Variants in VEPH1 observed in about 807,000 individuals in gnomAD.
VEPH1 encodes the protein ventricular zone expressed PH domain containing 1, also known as ventricular zone-expressed PH domain-containing protein homolog 1.
VEPH1 carries 80 observed loss-of-function variants against 85.2 expected under a neutral mutation model. That is an observed-to-expected ratio of 0.94 (90% CI 0.78 to 1.13). VEPH1 has a LOEUF of 1.13. Among genes scored for constraint, VEPH1 ranks in the 50% most tolerant of loss-of-function variants. VEPH1 has a pLI of 0.00. For missense variants in VEPH1, 955 were observed against 980.5 expected, an observed-to-expected ratio of 0.97 and a Z score of 0.35; for synonymous variants, 297 against 348.0, an observed-to-expected ratio of 0.85 and a Z score of 1.63.
intron 5 of VEPH1, among the ~76,000 whole-genome samples, chr3:157,419,893 T>C (rs1235636287): frequency 2.0e-5 from 3 of 152,104 alleles, no homozygotes; most frequent in African/African-American, 4.8e-5. Flanking sequence ...TGCAGCACCA[T>C]TTGCAATACC....
intron 9 of VEPH1, among the ~76,000 whole-genome samples, chr3:157,359,134 C>T (rs1725766760): frequency 6.6e-6 from 1 of 152,222 alleles, no homozygotes; most frequent in Non-Finnish European, 1.5e-5. Flanking sequence ...TATTTTCACC[C>T]AATCAGGAAA....
intron 6 of VEPH1, among the ~76,000 whole-genome samples, chr3:157,402,536 A>C (rs1560034807): frequency 6.6e-6 from 1 of 152,170 alleles, no homozygotes; most frequent in Non-Finnish European, 1.5e-5. Context: ...AACCACACAT[A>C]GTAAATAGAG....
At chr3:157,340,016 C>T (rs1463835881) in intron 9 of VEPH1, among the ~76,000 whole-genome samples, 1 of 152,152 alleles carries the variant, frequency 6.6e-6, no homozygotes, top group Non-Finnish European at 1.5e-5. Flanking sequence ...GATTCTTTTT[C>T]CTTCGAAAGT....
intron 6 of VEPH1, among the ~76,000 whole-genome samples, chr3:157,411,032 A>G (rs913715799): frequency 6.6e-6 from 1 of 152,166 alleles, no homozygotes; most frequent in African/African-American, 2.4e-5. Context: ...TATTTAGCTA[A>G]TGGATTGTAA....
At chr3:157,294,405 T>C (rs914326239) in intron 11 of VEPH1, among the ~76,000 whole-genome samples, 1 of 152,234 alleles carries the variant, frequency 6.6e-6, no homozygotes, top group Admixed American at 6.5e-5. Flanking sequence ...TTGCAAATAA[T>C]GGTATGCTGT....
At chr3:157,453,540 A>G (rs1735135948) in intron 4 of VEPH1, among the ~76,000 whole-genome samples, 1 of 152,200 alleles carries the variant, frequency 6.6e-6, no homozygotes, top group African/African-American at 2.4e-5. Context: ...TATCATCATC[A>G]TCATTGCATG....
At chr3:157,296,281 A>C (rs1309685054) in intron 11 of VEPH1, among the ~76,000 whole-genome samples, 2 of 152,266 alleles carry the variant, frequency 1.3e-5, no homozygotes, top group Non-Finnish European at 2.9e-5. Flanking sequence ...TGGATATCAC[A>C]TTTCTGTACT....
Position 157,386,250 on chromosome 3 carries a change from C to CAAAAAAAAAAAAAAAAAAAAAAAAAAA in VEPH1, c.907-4875_907-4874insTTTTTTTTTTTTTTTTTTTTTTTTTTT, listed in dbSNP as rs71302265. 5.2e-5 allele frequency among the ~76,000 whole-genome samples: 2 copies of CAAAAAAAAAAAAAAAAAAAAAAAAAAA among 38,484 alleles called. 1 individual carries two copies. Among genetic ancestry groups the CAAAAAAAAAAAAAAAAAAAAAAAAAAA allele is most frequent in the African/African-American group, 2.5e-4 (2 of 7,844 alleles). 25.2% of individuals were successfully genotyped at this position (38,484 alleles called of 152,430 possible). On this transcript the variant is annotated intron_variant, in intron 6 of 13. Coordinates refer to ENST00000362010, the MANE Select transcript of VEPH1 (RefSeq NM_001167912.2). ...GTTACTTCAAGTAAAAATGGTTCCA[C>CAAAAAAAAAAAAAAAAAAAAAAAAAAA]AAAAAAAAAAAAAAAAAAAAAAAAG...
At chr3:157,327,791 T>C (rs1298939124) in intron 9 of VEPH1, among the ~76,000 whole-genome samples, 1 of 152,200 alleles carries the variant, frequency 6.6e-6, no homozygotes, top group African/African-American at 2.4e-5. Flanking sequence ...TATGTTACTA[T>C]TAAAGAACAG....
intron 2 of VEPH1, among the ~76,000 whole-genome samples, chr3:157,482,542 G>A (rs1050015149): frequency 6.6e-6 from 1 of 152,100 alleles, no homozygotes; most frequent in African/African-American, 2.4e-5. Flanking sequence ...TAGTTTGATA[G>A]GAATTGTGTT....
rs559968150 is a variant in VEPH1, at chr3:157,424,167, C to G, written c.696+4155G>C. Among the ~76,000 whole-genome samples the G allele has an allele frequency of 7.2e-5, 11 of 152,256 alleles. 1 individual carries two copies. In the South Asian group the frequency reaches 2.3e-3, roughly 32 times the overall value. ...TGTTCTCATGGTAGAGAATAAGTCT[C>G]ACGAGATCTGATGGTTTTATCAGGG... On this transcript the variant is annotated intron_variant, in intron 5 of 13. Transcript: ENST00000362010.
At chr3:157,282,870 A>G (rs982727541) in intron 12 of VEPH1, among the ~76,000 whole-genome samples, 1 of 152,244 alleles carries the variant, frequency 6.6e-6, no homozygotes, top group South Asian at 2.1e-4. Context: ...ATGTGGAATA[A>G]CAAGATCTGC....
At chr3:157,493,231 A>G (rs1739377351) in intron 2 of VEPH1, 1 of 456,100 alleles carries the variant, frequency 2.2e-6, no homozygotes, top group African/African-American at 2.0e-5. Context: ...CCTATTTTTC[A>G]GCAATCTTCT....
chr3:157,363,205 A>G (rs1726244303), intron 9 of VEPH1, 159 bp downstream of exon 9: 6 of 658,274 alleles, frequency 9.1e-6, no homozygotes, highest in Non-Finnish European at 1.4e-5. Flanking sequence ...TTCTTGGGAA[A>G]AAAAAAAAAA....
intron 1 of VEPH1, among the ~76,000 whole-genome samples, chr3:157,497,248 T>A (rs1383222788): frequency 6.6e-6 from 1 of 152,016 alleles, no homozygotes; most frequent in Middle Eastern, 3.2e-3. Flanking sequence ...AATGAATTCC[T>A]CTCCCCTTCT....
At chr3:157,460,090 G>A (rs754063207) in intron 4 of VEPH1, 91 bp downstream of exon 4, 1 of 1,611,906 alleles carries the variant, frequency 6.2e-7, no homozygotes, top group South Asian at 1.1e-5. Flanking sequence ...TAATACTCTA[G>A]GTCTTGCTTC....
chr3:157,443,324 G>C (rs1166425051), intron 4 of VEPH1: 13 of 201,356 alleles, frequency 6.5e-5, no homozygotes, highest in Non-Finnish European at 6.1e-5. Context: ...TTTGGCCAGA[G>C]ATGAATTTTA....
rs533012067 is a variant in VEPH1, at chr3:157,274,511, G to A, written c.2129-8849C>T. ...TGTCTCTCTGTCTGCATGTGTGTGT[G>A]TTTTAAAGACAGGGTCTCTTTTGTT... On this transcript the variant is annotated intron_variant, in intron 12 of 13. Transcript: ENST00000362010. 5.3e-5 allele frequency among the ~76,000 whole-genome samples: 8 copies of A among 152,186 alleles called. No individual in the cohort carries two copies. The South Asian group carries it at 1.7e-3, about 32-fold the overall frequency.
At chr3:157,267,131 T>G (rs1383571619) in intron 12 of VEPH1, among the ~76,000 whole-genome samples, 2 of 148,566 alleles carry the variant, frequency 1.3e-5, no homozygotes, top group African/African-American at 5.0e-5. Flanking sequence ...CAGTTTACTC[T>G]GTCACCGAGG....
Sources: gnomAD v4.1 joint callset for allele counts (sites outside exome capture counted in the v4.1 genomes callset) on GRCh38, gnomAD v4.1.1 for gene constraint, MANE v1.5 for transcripts, NCBI Gene and HGNC (gene_info 2026-07-23, HGNC 2026-07-21) for gene names.